The following TENM2 variants were observed in gnomAD, a reference collection of about 807,000 sequenced individuals.
The protein encoded by TENM2 is teneurin transmembrane protein 2, also known as teneurin-2.
Under a neutral mutation model 245.2 loss-of-function variants are expected in TENM2, and 52 were observed. That is an observed-to-expected ratio of 0.21 (90% CI 0.17 to 0.27). The LOEUF (loss-of-function observed/expected upper bound fraction) is 0.27, where lower values mean the gene tolerates loss of function less well. Among genes scored for constraint, TENM2 ranks in the 10% least tolerant of loss-of-function variants. The pLI is 1.00. For missense variants in TENM2, 3,046 were observed against 3,666.8 expected, an observed-to-expected ratio of 0.83 and a Z score of 4.37; for synonymous variants, 1,363 against 1,438.9, an observed-to-expected ratio of 0.95 and a Z score of 1.19.
chr5:167,166,248 A>C, the TENM2 span, among the ~76,000 whole-genome samples: 5 of 152,314 alleles, frequency 3.3e-5, no homozygotes, highest in African/African-American at 1.2e-4. Context: ...CACCAAACAC[A>C]CACACACAAA....
chr5:167,059,306 G>C, the TENM2 span, among the ~76,000 whole-genome samples: 1 of 152,030 alleles, frequency 6.6e-6, no homozygotes, highest in African/African-American at 2.4e-5. Flanking sequence ...TCAACTTTTT[G>C]GAATTCATAG....
At chr5:167,180,911 C>G in the TENM2 span, among the ~76,000 whole-genome samples, 2 of 150,216 alleles carry the variant, frequency 1.3e-5, no homozygotes, top group Non-Finnish European at 3.0e-5. Flanking sequence ...AAAGGGGAGC[C>G]AGGAAAGGCA....
At chr5:167,359,512 ATT>A (rs60008626) in intron 1 of TENM2, among the ~76,000 whole-genome samples, 6 of 149,578 alleles carry the variant, frequency 4.0e-5, no homozygotes, top group African/African-American at 1.5e-4. Context: ...TCTACTTTCT[ATT>A]TTTTTTTTCT....
At chr5:167,776,531 G>A (rs2150801267) in intron 2 of TENM2, among the ~76,000 whole-genome samples, 1 of 133,420 alleles carries the variant, frequency 7.5e-6, no homozygotes, top group South Asian at 2.5e-4. Flanking sequence ...GGAGGTCAAG[G>A]CTGCAGTTAG....
chr5:167,233,565 A>AAAAG, the TENM2 span, among the ~76,000 whole-genome samples: 1 of 152,166 alleles, frequency 6.6e-6, no homozygotes, highest in African/African-American at 2.4e-5. Flanking sequence ...CTAAAAGCAA[A>AAAAG]TCTACTTTAT....
chr5:167,821,628 T>C (rs1767535854), intron 2 of TENM2, among the ~76,000 whole-genome samples: 1 of 152,256 alleles, frequency 6.6e-6, no homozygotes, highest in African/African-American at 2.4e-5. Flanking sequence ...CTTATTTGGC[T>C]ACAGATTTGT....
At chr5:168,009,634 C>T (rs764429404) in intron 5 of TENM2, among the ~76,000 whole-genome samples, 2 of 152,192 alleles carry the variant, frequency 1.3e-5, no homozygotes, top group African/African-American at 2.4e-5. Flanking sequence ...AGCATGCTCA[C>T]CTGGGGAATT....
the TENM2 span, among the ~76,000 whole-genome samples, chr5:167,156,617 C>T: frequency 1.9e-4 from 29 of 152,262 alleles, 1 homozygote; most frequent in East Asian, 5.4e-3. Context: ...GTTGGGCCCT[C>T]GTGCTGCTGT....
the TENM2 span, among the ~76,000 whole-genome samples, chr5:167,082,305 G>A: frequency 1.3e-5 from 2 of 151,802 alleles, no homozygotes; most frequent in Admixed American, 1.3e-4. Context: ...TTTATTTTGG[G>A]ATGGAGTCTC....
chr5:167,116,676 AG>A, the TENM2 span: 37 of 151,996 alleles, frequency 2.4e-4, 1 homozygote, highest in African/African-American at 8.5e-4. Flanking sequence ...AATGAGCAGT[AG>A]ATACTTGTTT....
At chr5:167,451,810 G>A (rs989803581) in intron 2 of TENM2, among the ~76,000 whole-genome samples, 4 of 151,998 alleles carry the variant, frequency 2.6e-5, no homozygotes, top group Non-Finnish European at 4.4e-5. Flanking sequence ...CACCACGCCC[G>A]GCTAATTTTT....
At chr5:167,341,603 GTGA>G (rs1425779798) in intron 1 of TENM2, among the ~76,000 whole-genome samples, 1 of 151,814 alleles carries the variant, frequency 6.6e-6, no homozygotes, top group African/African-American at 2.4e-5. Context: ...CTTCACATTT[GTGA>G]TGATTGAAAA....
intron 2 of TENM2, among the ~76,000 whole-genome samples, chr5:167,492,493 A>G (rs780832008): frequency 4.3e-4 from 66 of 152,074 alleles, no homozygotes; most frequent in Non-Finnish European, 9.0e-4. Context: ...AATAATACAC[A>G]ATGTTATTAA....
intron 2 of TENM2, among the ~76,000 whole-genome samples, chr5:167,672,794 G>T (rs1209164593): frequency 4.0e-5 from 6 of 150,982 alleles, no homozygotes; most frequent in Non-Finnish European, 8.8e-5. Context: ...TTGACCCAAG[G>T]ACAAAAGAAC....
the TENM2 span, among the ~76,000 whole-genome samples, chr5:167,209,052 G>T: frequency 6.6e-6 from 1 of 152,098 alleles, no homozygotes; most frequent in Non-Finnish European, 1.5e-5. Context: ...GTAACTACAC[G>T]TATTTCTTTC....
At chr5:166,990,323 A>C in the TENM2 span, among the ~76,000 whole-genome samples, 1 of 152,278 alleles carries the variant, frequency 6.6e-6, no homozygotes, top group African/African-American at 2.4e-5. Context: ...TTATCCTTCC[A>C]TCACTGTCTC....
chr5:168,203,674 C>T lies in TENM2; in HGVS notation c.3431-15C>T. 1 of 1,589,510 alleles carries T rather than the reference C, an allele frequency of 6.3e-7. No homozygotes were observed. Among genetic ancestry groups the T allele is most frequent in the Non-Finnish European group, 8.6e-7 (1 of 1,162,344 alleles). On this transcript the variant is annotated splice_polypyrimidine_tract_variant and intron_variant, in intron 17 of 28. Coordinates refer to ENST00000518659, the Ensembl canonical transcript of TENM2. ...CTCTTTTCTCTCACTCTGCCCCACC[C>T]CTTTTATCTTTCAGTGTCTGTCGGG...
intron 25 of TENM2, among the ~76,000 whole-genome samples, chr5:168,242,721 G>A (rs964758440): frequency 2.6e-5 from 4 of 152,180 alleles, no homozygotes; most frequent in African/African-American, 9.7e-5. Context: ...GGGAGGACAA[G>A]GTGGGTGGAT....
the TENM2 span, among the ~76,000 whole-genome samples, chr5:167,233,912 A>G: frequency 2.0e-5 from 3 of 151,742 alleles, no homozygotes; most frequent in Non-Finnish European, 2.9e-5. Context: ...CTCAAAGTGA[A>G]ATGGTGCTTT....
Sources: allele counts gnomAD v4.1 joint callset (sites outside exome capture counted in the v4.1 genomes callset), GRCh38; gene constraint gnomAD v4.1.1; transcripts MANE v1.5; gene names NCBI Gene and HGNC (gene_info 2026-07-23, HGNC 2026-07-21).